The following LY96 variants were observed in gnomAD, a reference collection of about 807,000 sequenced individuals.
LY96 encodes the protein myeloid differentiation protein-2.
Under a neutral mutation model 18.9 loss-of-function variants are expected in LY96, and 18 were observed. The observed-to-expected ratio is 0.95, with a 90% CI of 0.66 to 1.41. The LOEUF (loss-of-function observed/expected upper bound fraction) is 1.41. Among genes scored for constraint, LY96 ranks in the 40% most tolerant of loss-of-function variants. The pLI is 0.00. For missense variants in LY96, 175 were observed against 182.4 expected (o/e 0.96, Z 0.23); for synonymous variants, 66 against 62.6 (o/e 1.06, Z -0.26).
At chr8:74,024,809 A>T (rs58948657) in intron 3 of LY96, among the ~76,000 whole-genome samples, 2 of 152,024 alleles carry the variant, frequency 1.3e-5, no homozygotes, top group Non-Finnish European at 2.9e-5. Flanking sequence ...TTTGGTTTTT[A>T]AAAATTTTAA....
intron 1 of LY96, among the ~76,000 whole-genome samples, chr8:73,998,836 G>C (rs765804359): frequency 6.6e-6 from 1 of 152,144 alleles, no homozygotes; most frequent in Non-Finnish European, 1.5e-5. Flanking sequence ...TTTTTGTCCT[G>C]TTAATGTCTT....
chr8:74,081,066 TA>T, the LY96 span, among the ~76,000 whole-genome samples: 124 of 119,580 alleles, frequency 1.0e-3, 4 homozygotes, highest in African/African-American at 3.0e-3. Flanking sequence ...CTTTCTTTCT[TA>T]CTTTCTTTCT....
At chr8:73,995,052 C>G (rs75274643) in intron 1 of LY96, among the ~76,000 whole-genome samples, 4,097 of 152,220 alleles carry the variant, frequency 0.027, 139 homozygotes, top group African/African-American at 0.087. Flanking sequence ...CATGAAGGCT[C>G]TTCTCTCATG....
At chr8:74,035,500 C>T in the LY96 span, among the ~76,000 whole-genome samples, 1 of 152,158 alleles carries the variant, frequency 6.6e-6, no homozygotes, top group Non-Finnish European at 1.5e-5. Context: ...TAAAGCCCCC[C>T]TCCAACCATC....
At chr8:74,097,831 T>C in the LY96 span, among the ~76,000 whole-genome samples, 3 of 152,206 alleles carry the variant, frequency 2.0e-5, no homozygotes, top group Non-Finnish European at 4.4e-5. Context: ...CCTAGGGGCT[T>C]GTTATAGTAG....
intron 1 of LY96, among the ~76,000 whole-genome samples, chr8:74,004,416 G>T (rs1429207063): frequency 6.6e-6 from 1 of 152,032 alleles, no homozygotes; most frequent in Non-Finnish European, 1.5e-5. Context: ...GGAGCTGGTT[G>T]GGGGGGTCTC....
the LY96 span, among the ~76,000 whole-genome samples, chr8:74,095,780 C>T: frequency 1.3e-5 from 2 of 152,182 alleles, no homozygotes; most frequent in African/African-American, 4.8e-5. Context: ...TTTTTCTCTG[C>T]CTTCCACATG....
At chr8:74,009,580 C>A (rs1199564680) in intron 2 of LY96, among the ~76,000 whole-genome samples, 1 of 152,052 alleles carries the variant, frequency 6.6e-6, no homozygotes, top group East Asian at 1.9e-4. Flanking sequence ...TCAAAAGATT[C>A]TATTTTATTC....
intron 1 of LY96, among the ~76,000 whole-genome samples, chr8:74,004,417 G>C (rs186424362): frequency 5.4e-4 from 82 of 152,206 alleles, no homozygotes; most frequent in Middle Eastern, 3.4e-3. Flanking sequence ...GAGCTGGTTG[G>C]GGGGGTCTCT....
At chr8:74,084,780 A>G in the LY96 span, among the ~76,000 whole-genome samples, 1 of 151,874 alleles carries the variant, frequency 6.6e-6, no homozygotes, top group Non-Finnish European at 1.5e-5. Flanking sequence ...CGCCCGGCTA[A>G]TTTTTTGTAT....
chr8:74,033,321 C>T (rs1267252028), downstream of LY96, among the ~76,000 whole-genome samples: 1 of 152,116 alleles, frequency 6.6e-6, no homozygotes, highest in African/African-American at 2.4e-5. Context: ...GCCTTTAAAA[C>T]ACTATTTGCC....
At chr8:74,065,602 C>G in the LY96 span, among the ~76,000 whole-genome samples, 6 of 152,194 alleles carry the variant, frequency 3.9e-5, no homozygotes, top group African/African-American at 1.4e-4. Context: ...GGTGCTCCCC[C>G]ACTTATGATA....
At chr8:73,997,977 G>A (rs1356511941) in intron 1 of LY96, among the ~76,000 whole-genome samples, 20 of 152,166 alleles carry the variant, frequency 1.3e-4, no homozygotes, top group Admixed American at 1.2e-3. Context: ...TTTATGGGGT[G>A]TTCATCATGT....
In LY96 at chr8:74,009,986, T is replaced by G. The variant is rs201071937; in HGVS notation, c.203-15T>G. ...TCTACTATTTGAGGGCCTAATGGGA[T>G]TTTTTCTTTTAAAGGGAGAGATTTA... On this transcript the variant is annotated splice_polypyrimidine_tract_variant and intron_variant, in intron 2 of 4. Transcript: ENST00000284818. 1.3e-6 allele frequency: 2 copies of G among 1,578,362 alleles called. No individual in the cohort carries two copies. The highest frequency in any genetic ancestry group is 3.3e-5 in the Admixed American group (2 of 59,936).
chr8:74,077,496 C>T, the LY96 span, among the ~76,000 whole-genome samples: 1 of 151,964 alleles, frequency 6.6e-6, no homozygotes, highest in South Asian at 2.1e-4. Context: ...AATAAGGTGC[C>T]TAGGGATTTG....
chr8:74,009,697 T>C (rs1248118703), intron 2 of LY96, among the ~76,000 whole-genome samples: 2 of 152,192 alleles, frequency 1.3e-5, no homozygotes, highest in Non-Finnish European at 2.9e-5. Context: ...ACTAGACATT[T>C]TATGTCTTTA....
Position 73,991,452 on chromosome 8 carries a change from T to A in LY96, c.10T>A (p.Phe4Ile), listed in dbSNP as rs185479794. The A allele has an allele frequency of 1.3e-5, 20 of 1,590,372 alleles. No homozygotes were observed. In the Admixed American group the frequency reaches 3.0e-4, roughly 24 times the overall value. The change falls in exon 1 of 5, where the codon TTT becomes ATT. Residue 4 changes from phenylalanine (F) to isoleucine (I), a missense_variant. By Grantham distance (21) the Phe-to-Ile change is conservative. Coordinates refer to ENST00000284818, the MANE Select transcript of LY96 (RefSeq NM_015364.5). Reference protein sequence around the residue: MLPFLFFSTLFSSI... With the variant: MLPILFFSTLFSSI... ...TTGGAGATATTGAATCATGTTACCA[T>A]TTCTGTTTTTTTCCACCCTGTTTTC...
Position 74,026,678 on chromosome 8 carries a change from T to A in LY96, c.332-111T>A, listed in dbSNP as rs1816878305. The A allele has an allele frequency of 4.4e-6, 3 of 687,728 alleles. No homozygotes were observed. The Admixed American group carries it at 6.5e-5, about 15-fold the overall frequency. 42.6% of individuals were successfully genotyped at this position (687,728 alleles called of 1,614,324 possible). A position where few individuals can be genotyped will look rare whatever the true frequency, so the allele number is the denominator to read the frequency against. ...TAAAAGATTCATTATTTTTCTACAG[T>A]TTTGCTTGGGACTGCGTCTGTCAGT... On this transcript the variant is annotated intron_variant, in intron 3 of 4. Coordinates refer to ENST00000284818, the MANE Select transcript of LY96 (RefSeq NM_015364.5).
the LY96 span, among the ~76,000 whole-genome samples, chr8:74,087,447 C>T: frequency 6.6e-6 from 1 of 152,142 alleles, no homozygotes; most frequent in Admixed American, 6.5e-5. Context: ...CCTGAGAAGC[C>T]TCAGAAAAGC....
Sources: gnomAD v4.1 joint callset for allele counts (sites outside exome capture counted in the v4.1 genomes callset) on GRCh38, gnomAD v4.1.1 for gene constraint, MANE v1.5 for transcripts, NCBI Gene and HGNC (gene_info 2026-07-23, HGNC 2026-07-21) for gene names.